METTL25: variants seen among roughly 807,000 people sequenced by gnomAD.
METTL25 encodes the protein probable methyltransferase-like protein 25.
In METTL25, 64 loss-of-function variants were observed where a neutral mutation model predicts 71.6. The ratio of observed to expected loss-of-function variants is 0.89; its 90% confidence interval spans 0.73 to 1.10. METTL25 has a LOEUF of 1.10. Among genes scored for constraint, METTL25 ranks in the 50% least tolerant of loss-of-function variants. The probability of loss-of-function intolerance (pLI) is 0.00; values close to 1 mark genes in which losing one functional copy is unlikely to be tolerated. For synonymous variants in METTL25, 287 were observed against 250.3 expected (o/e 1.15, Z -1.38); for missense variants, 807 against 707.0 (o/e 1.14, Z -1.60).
chr12:82,420,011 A>G (rs1017114219), intron 5 of METTL25, among the ~76,000 whole-genome samples: 6 of 152,300 alleles, frequency 3.9e-5, no homozygotes, highest in Admixed American at 3.3e-4. Flanking sequence ...CACACATACA[A>G]TGGAATATTA....
At chr12:82,453,449 A>T (rs1470681785) in intron 8 of METTL25, among the ~76,000 whole-genome samples, 1 of 152,166 alleles carries the variant, frequency 6.6e-6, no homozygotes, top group East Asian at 1.9e-4. Flanking sequence ...ATCCCAGATT[A>T]TGAAGTCAGA....
intron 1 of METTL25, among the ~76,000 whole-genome samples, chr12:82,370,459 G>T (rs1883099002): frequency 6.6e-6 from 1 of 152,158 alleles, no homozygotes; most frequent in Non-Finnish European, 1.5e-5. Flanking sequence ...TCCTGTAAAT[G>T]CTGGGTGGCA....
Position 82,386,821 on chromosome 12 carries a change from A to T in METTL25, c.278A>T (p.Lys93Ile). 6.2e-7 allele frequency: 1 copy of T among 1,612,938 alleles called. No individual in the cohort carries two copies. The highest frequency in any genetic ancestry group is 8.5e-7 in the Non-Finnish European group (1 of 1,179,374). ...TTTTTAGGTATGACTGATTTTCCCA[A>T]AATATTTTGTGAAACTTCTCAGAAG... ...EWEAGMTDFP[K>I]IFCETSQKLV... The change falls in exon 2 of 12, where the codon AAA becomes ATA. Residue 93 changes from lysine to isoleucine, a missense_variant. Transcript: ENST00000248306.
chr12:82,399,239 A>G lies in METTL25; in HGVS notation c.976A>G (p.Thr326Ala). ...NLLPINAVEP[T>A]SSQQIPNRET... The stretch of plus-strand genomic sequence containing the variant: ...TTTGCCTATTAATGCTGTAGAGCCT[A>G]CTTCTTCACAGCAAATACCCAACAG... Residue 326 changes from threonine (T) to alanine (A), a missense_variant, in exon 4 of 12, where the codon ACT becomes GCT. Coordinates refer to ENST00000248306, the MANE Select transcript of METTL25 (RefSeq NM_032230.3). The G allele has an allele frequency of 6.2e-6, 10 of 1,613,560 alleles. No homozygotes were observed. The highest frequency in any genetic ancestry group is 1.7e-4 in the Middle Eastern group (1 of 6,054).
intron 8 of METTL25, among the ~76,000 whole-genome samples, chr12:82,448,982 T>A (rs1164259255): frequency 6.6e-6 from 1 of 152,196 alleles, no homozygotes; most frequent in East Asian, 1.9e-4. Flanking sequence ...ATACCTCTGC[T>A]TCACCTTTCT....
chr12:82,450,509 C>T (rs1891064019), intron 8 of METTL25, among the ~76,000 whole-genome samples: 1 of 152,142 alleles, frequency 6.6e-6, no homozygotes, highest in Non-Finnish European at 1.5e-5. Context: ...CTCTCTTCTA[C>T]TTTTGCTCAC....
chr12:82,368,199 A>G (rs1882790452), intron 1 of METTL25, among the ~76,000 whole-genome samples: 1 of 152,020 alleles, frequency 6.6e-6, no homozygotes, highest in African/African-American at 2.4e-5. Context: ...GTAGGGCTCA[A>G]TTTTCTCATC....
chr12:82,406,049 G>T (rs1205465946), intron 5 of METTL25, among the ~76,000 whole-genome samples: 1 of 152,138 alleles, frequency 6.6e-6, no homozygotes, highest in Non-Finnish European at 1.5e-5. Context: ...AAGGGAAATG[G>T]GGGAGAGGCT....
intron 8 of METTL25, among the ~76,000 whole-genome samples, chr12:82,445,588 C>T (rs1337427005): frequency 3.3e-5 from 5 of 152,050 alleles, no homozygotes; most frequent in South Asian, 4.1e-4. Context: ...GTCTATTTTT[C>T]GTTGTCTTTA....
intron 11 of METTL25, 130 bp from the exon 12 acceptor site, chr12:82,478,802 A>G: frequency 1.4e-6 from 1 of 696,490 alleles, no homozygotes. Flanking sequence ...TTGTTTAACA[A>G]AGCATAAGAA....
chr12:82,442,942 C>T (rs1459203118), intron 8 of METTL25, among the ~76,000 whole-genome samples: 1 of 149,534 alleles, frequency 6.7e-6, no homozygotes, highest in Non-Finnish European at 1.5e-5. Flanking sequence ...GCACTTTAGA[C>T]ACAGCTAAAG....
At chr12:82,367,434 T>C (rs1029556051) in intron 1 of METTL25, among the ~76,000 whole-genome samples, 15 of 152,230 alleles carry the variant, frequency 9.9e-5, no homozygotes, top group Admixed American at 8.5e-4. Context: ...TTACTCCTCA[T>C]CACCTCAGTG....
intron 8 of METTL25, among the ~76,000 whole-genome samples, chr12:82,440,981 A>T (rs988317176): frequency 6.6e-6 from 1 of 152,030 alleles, no homozygotes; most frequent in Non-Finnish European, 1.5e-5. Flanking sequence ...CCACCCATCA[A>T]CAGAGAGGGT....
At position 82,375,862 on chromosome 12, in the gene METTL25, A is replaced by G. The variant is rs147111981; in HGVS notation, c.260-10941A>G. On this transcript the variant is annotated intron_variant, in intron 1 of 11. Transcript: ENST00000248306. The stretch of plus-strand genomic sequence containing the variant: ...GAATGCCTGGTTACCCTTATATCCC[A>G]ATTTAGGTTTGCAAAAATTACTTAG... 9.9e-3 allele frequency among the ~76,000 whole-genome samples: 1,505 copies of G among 152,326 alleles called. 23 individuals are homozygous for G. The highest frequency in any genetic ancestry group is 0.034 in the African/African-American group (1,419 of 41,562).
Position 82,358,555 on chromosome 12 carries a change from G to A in METTL25, c.-11G>A, listed in dbSNP as rs754980911. 4 of 1,608,584 alleles carry A rather than the reference G, an allele frequency of 2.5e-6. 1 individual carries two copies. In the South Asian group the frequency reaches 3.3e-5, roughly 13 times the overall value. Reference sequence around the variant, plus strand: ...TGTTTGCGCCACCTACAGCCTCGGAGGGTGAGCGTCATGGCGGCTTCTTGC... The same window carrying A: ...TGTTTGCGCCACCTACAGCCTCGGAAGGTGAGCGTCATGGCGGCTTCTTGC... On this transcript the variant is annotated 5_prime_UTR_variant, in exon 1 of 12. Coordinates refer to ENST00000248306, the MANE Select transcript of METTL25 (RefSeq NM_032230.3).
chr12:82,358,938 G>C, intron 1 of METTL25, 114 bp downstream of exon 1: 1 of 1,336,024 alleles, frequency 7.5e-7, no homozygotes, highest in East Asian at 2.5e-5. Context: ...CGGAGGCGGG[G>C]CGGCCCGCTG....
At chr12:82,418,464 A>G (rs1888178633) in intron 5 of METTL25, among the ~76,000 whole-genome samples, 1 of 152,100 alleles carries the variant, frequency 6.6e-6, no homozygotes, top group Non-Finnish European at 1.5e-5. Flanking sequence ...ATTGAGGTCA[A>G]ATGTTTGAAA....
At position 82,399,372 on chromosome 12, in the gene METTL25, A is replaced by T. The variant is rs1267666797; in HGVS notation, c.1109A>T (p.His370Leu). 6.3e-7 allele frequency: 1 copy of T among 1,579,436 alleles called. No homozygotes were observed. The highest frequency in any genetic ancestry group is 1.2e-5 in the South Asian group (1 of 85,076). The change falls in exon 4 of 12, where the codon CAT (histidine) becomes CTT (leucine). Residue 370 changes from histidine to leucine, a missense_variant. Transcript: ENST00000248306. ...TSFITADSEL[H>L]DIIKDLEDCL... ...TTTATCACTGCTGATTCAGAACTCCATGACATTATTAAAGATTTGGAGGTG... is the reference window on the plus strand; with the variant it reads ...TTTATCACTGCTGATTCAGAACTCCTTGACATTATTAAAGATTTGGAGGTG...
At chr12:82,383,842 G>A (rs1325930317) in intron 1 of METTL25, among the ~76,000 whole-genome samples, 1 of 151,494 alleles carries the variant, frequency 6.6e-6, no homozygotes, top group East Asian at 1.9e-4. Context: ...TTGTACACTG[G>A]TCCCTTGTAT....
Sources: gnomAD v4.1 joint callset for allele counts (sites outside exome capture counted in the v4.1 genomes callset) on GRCh38, gnomAD v4.1.1 for gene constraint, MANE v1.5 for transcripts, NCBI Gene and HGNC (gene_info 2026-07-23, HGNC 2026-07-21) for gene names.